The following LRMDA variants were observed in gnomAD, a reference collection of about 807,000 sequenced individuals.
LRMDA encodes leucine rich melanocyte differentiation associated.
Under a neutral mutation model 29.8 loss-of-function variants are expected in LRMDA, and 18 were observed. The ratio of observed to expected loss-of-function variants is 0.60; its 90% CI spans 0.42 to 0.90. The LOEUF is 0.90. LRMDA is among the 40% of genes least tolerant of loss of function. The probability of loss-of-function intolerance (pLI) is 0.00; values close to 1 mark genes in which losing one functional copy is unlikely to be tolerated. For synonymous variants in LRMDA, 125 were observed against 109.4 expected, an observed-to-expected ratio of 1.14 and a Z score of -0.89; for missense variants, 273 against 273.9, an observed-to-expected ratio of 1.00 and a Z score of 0.02.
In LRMDA at chr10:76,299,757, A is replaced by G. The variant is rs371226667; in HGVS notation, c.517-24644A>G. On this transcript the variant is annotated intron_variant, in intron 5 of 6. Coordinates refer to ENST00000611255, the MANE Select transcript of LRMDA (RefSeq NM_001305581.2). ...GCAATCTGCTGTCTTCATTTTCAAC[A>G]CCAGTAAGAGCTAACCTTTGGCTGG... 2.6e-5 allele frequency among the ~76,000 whole-genome samples: 4 copies of G among 152,100 alleles called. No homozygotes were observed. In the East Asian group the frequency reaches 7.7e-4, roughly 29 times the overall value.
chr10:76,026,590 T>C (rs1042077570), intron 2 of LRMDA, among the ~76,000 whole-genome samples: 12 of 152,202 alleles, frequency 7.9e-5, no homozygotes, highest in Non-Finnish European at 1.5e-5. Context: ...TATGGGCACA[T>C]GTTACACCCT....
At chr10:75,644,767 G>A (rs182645284) in intron 2 of LRMDA, among the ~76,000 whole-genome samples, 69 of 152,208 alleles carry the variant, frequency 4.5e-4, no homozygotes, top group African/African-American at 1.3e-3. Context: ...TTAAATACGT[G>A]GCTAGAGGTC....
chr10:76,148,085 G>A (rs1029268719), intron 5 of LRMDA, among the ~76,000 whole-genome samples: 5 of 152,208 alleles, frequency 3.3e-5, no homozygotes, highest in South Asian at 2.1e-4. Flanking sequence ...TGAGGTGTCA[G>A]TCTGCCCCTA....
At chr10:76,248,601 A>G (rs1852418548) in intron 5 of LRMDA, among the ~76,000 whole-genome samples, 2 of 152,230 alleles carry the variant, frequency 1.3e-5, no homozygotes, top group Non-Finnish European at 2.9e-5. Context: ...AGGGAAGGAC[A>G]TGGATCAAGG....
At chr10:75,994,365 T>A (rs566874801) in intron 2 of LRMDA, among the ~76,000 whole-genome samples, 1 of 152,142 alleles carries the variant, frequency 6.6e-6, no homozygotes, top group Non-Finnish European at 1.5e-5. Flanking sequence ...GAGGCAGCAT[T>A]TTAGCTCCTT....
intron 2 of LRMDA, among the ~76,000 whole-genome samples, chr10:75,974,712 A>G (rs1265566654): frequency 6.6e-6 from 1 of 152,188 alleles, no homozygotes; most frequent in African/African-American, 2.4e-5. Context: ...GGTAGTGAGC[A>G]ATGGAACAGA....
chr10:75,563,041 G>GCA (rs1840319940), intron 2 of LRMDA, among the ~76,000 whole-genome samples: 1 of 152,056 alleles, frequency 6.6e-6, no homozygotes, highest in African/African-American at 2.4e-5. Context: ...TATCTTTGTG[G>GCA]TGGTCTCTGT....
intron 2 of LRMDA, among the ~76,000 whole-genome samples, chr10:75,942,404 A>G (rs1846407601): frequency 1.3e-5 from 2 of 152,204 alleles, no homozygotes; most frequent in African/African-American, 4.8e-5. Flanking sequence ...ATATTTTGGT[A>G]ATAACCAATA....
intron 2 of LRMDA, among the ~76,000 whole-genome samples, chr10:75,601,780 A>G (rs1426900325): frequency 6.6e-6 from 1 of 152,146 alleles, no homozygotes; most frequent in African/African-American, 2.4e-5. Flanking sequence ...CAACTACCCT[A>G]TGAGCTAGGT....
At chr10:75,472,553 G>T (rs1465030801) in intron 2 of LRMDA, among the ~76,000 whole-genome samples, 2 of 152,204 alleles carry the variant, frequency 1.3e-5, no homozygotes, top group Admixed American at 1.3e-4. Flanking sequence ...TGATCAGTGT[G>T]CAGGGCAAAT....
chr10:75,569,108 G>T lies in LRMDA; in HGVS notation c.131+130614G>T, dbSNP rs541730591. On this transcript the variant is annotated intron_variant, in intron 2 of 6. Transcript: ENST00000611255. ...TTGAGGGCACGTCTCTTCTCTGTGG[G>T]GCCTCTCCTGGCATATGCCCACAAC... 2.0e-5 allele frequency among the ~76,000 whole-genome samples: 3 copies of T among 152,178 alleles called. No individual in the cohort carries two copies. In the South Asian group the frequency reaches 6.3e-4, roughly 32 times the overall value.
At chr10:75,919,175 C>T (rs1478158364) in intron 2 of LRMDA, among the ~76,000 whole-genome samples, 2 of 152,106 alleles carry the variant, frequency 1.3e-5, no homozygotes, top group Admixed American at 6.6e-5. Flanking sequence ...AGCCGGGATG[C>T]GAAGCTGGGC....
chr10:75,728,772 T>C (rs1036608876), intron 2 of LRMDA, among the ~76,000 whole-genome samples: 2 of 152,030 alleles, frequency 1.3e-5, no homozygotes, highest in East Asian at 3.9e-4. Context: ...GCTTGAAGCT[T>C]GTGTGGAGAA....
chr10:75,447,199 TA>T (rs1041553642), intron 2 of LRMDA, among the ~76,000 whole-genome samples: 5 of 151,680 alleles, frequency 3.3e-5, no homozygotes, highest in Non-Finnish European at 5.9e-5. Context: ...AGCAATGCAG[TA>T]AAAAAAAATA....
At chr10:75,675,288 T>C (rs1163804446) in intron 2 of LRMDA, among the ~76,000 whole-genome samples, 5 of 152,192 alleles carry the variant, frequency 3.3e-5, no homozygotes, top group Non-Finnish European at 7.3e-5. Context: ...TCTTCTCTGT[T>C]GTGAGGTGTT....
chr10:76,207,180 C>T (rs1851552593), intron 5 of LRMDA, among the ~76,000 whole-genome samples: 6 of 152,176 alleles, frequency 3.9e-5, no homozygotes, highest in South Asian at 4.1e-4. Flanking sequence ...GCTAACCTAC[C>T]ATTGTACATA....
In LRMDA at chr10:75,587,819, C is replaced by T. The variant is rs1256353754; in HGVS notation, c.131+149325C>T. On this transcript the variant is annotated intron_variant, in intron 2 of 6. Transcript: ENST00000611255. Reference sequence around the variant, plus strand: ...CCCTTCAGTAGAGTGCCTGTCGATCCCTGGTCCAATCAGCCAAGGTCGGGA... The same window carrying T: ...CCCTTCAGTAGAGTGCCTGTCGATCTCTGGTCCAATCAGCCAAGGTCGGGA... Among the ~76,000 whole-genome samples, 4 of 152,308 alleles carry T rather than the reference C, an allele frequency of 2.6e-5. No individual in the cohort carries two copies. In the East Asian group the frequency reaches 5.8e-4, roughly 22 times the overall value.
At chr10:76,204,301 C>T (rs1851494113) in intron 5 of LRMDA, among the ~76,000 whole-genome samples, 1 of 151,018 alleles carries the variant, frequency 6.6e-6, no homozygotes, top group Admixed American at 6.6e-5. Context: ...GTCCACCCAT[C>T]TCTATTCCAT....
chr10:76,400,509 G>T (rs1841836890), intron 6 of LRMDA, among the ~76,000 whole-genome samples: 1 of 152,144 alleles, frequency 6.6e-6, no homozygotes, highest in Admixed American at 6.5e-5. Flanking sequence ...TCAGTCTTTT[G>T]CTCAGAAATA....
Sources: allele counts gnomAD v4.1 joint callset (sites outside exome capture counted in the v4.1 genomes callset), GRCh38; gene constraint gnomAD v4.1.1; transcripts MANE v1.5; gene names NCBI Gene and HGNC (gene_info 2026-07-23, HGNC 2026-07-21).